XIRP2: variants seen among roughly 807,000 people sequenced by gnomAD.
The protein encoded by XIRP2 is xin actin-binding repeat-containing protein 2.
In XIRP2, 236 loss-of-function variants were observed where a neutral mutation model predicts 277.0. The observed-to-expected ratio is 0.85, with a 90% CI of 0.77 to 0.95. The LOEUF (loss-of-function observed/expected upper bound fraction) is 0.95. Ranked by LOEUF, XIRP2 falls within the 40% of genes least tolerant of loss-of-function variation. The pLI is 0.00. For synonymous variants in XIRP2, 1,490 were observed against 1,416.5 expected (o/e 1.05, Z -1.17); for missense variants, 4,640 against 4,157.5 (o/e 1.12, Z -3.19).
In XIRP2 at chr2:167,177,636, G is replaced by A. The variant is rs138647030; in HGVS notation, c.563-33099G>A. On this transcript the variant is annotated intron_variant, in intron 3 of 10. Coordinates refer to ENST00000409195, the MANE Select transcript of XIRP2 (RefSeq NM_152381.6). The stretch of plus-strand genomic sequence containing the variant: ...AAAGTCAGTTAAATATTCATGTGTT[G>A]CTTTGCCTCACTCCAAATTAATATA... 7.7e-4 allele frequency among the ~76,000 whole-genome samples: 117 copies of A among 152,150 alleles called. 3 individuals carry two copies. In the East Asian group the frequency reaches 0.02, roughly 26 times the overall value.
chr2:166,999,364 G>A (rs1394828030), intron 2 of XIRP2, among the ~76,000 whole-genome samples: 1 of 151,724 alleles, frequency 6.6e-6, no homozygotes, highest in Non-Finnish European at 1.5e-5. Context: ...GCTTGAATAT[G>A]TATTACTTTT....
intron 2 of XIRP2, among the ~76,000 whole-genome samples, chr2:167,014,286 A>G (rs1414086773): frequency 1.3e-5 from 2 of 151,734 alleles, no homozygotes; most frequent in East Asian, 3.9e-4. Flanking sequence ...TCCAGAATAA[A>G]CAAACAGAAA....
At chr2:167,200,122 A>C (rs1693637209) in intron 3 of XIRP2, among the ~76,000 whole-genome samples, 1 of 152,230 alleles carries the variant, frequency 6.6e-6, no homozygotes, top group South Asian at 2.1e-4. Context: ...CAAACATAAC[A>C]ATATATTTAG....
chr2:167,019,338 G>A (rs1687920481), intron 2 of XIRP2, among the ~76,000 whole-genome samples: 1 of 151,924 alleles, frequency 6.6e-6, no homozygotes, highest in African/African-American at 2.4e-5. Context: ...ACAAAGAATA[G>A]CGACCCCAAT....
intron 2 of XIRP2, among the ~76,000 whole-genome samples, chr2:167,033,209 A>G (rs1688415160): frequency 6.6e-6 from 1 of 152,138 alleles, no homozygotes; most frequent in Non-Finnish European, 1.5e-5. Flanking sequence ...CAAACACTGC[A>G]TATTCTCACT....
intron 2 of XIRP2, among the ~76,000 whole-genome samples, chr2:166,910,606 A>C (rs570986169): frequency 5.5e-4 from 84 of 151,852 alleles, no homozygotes; most frequent in African/African-American, 2.0e-3. Context: ...TTGTGTCTCT[A>C]TTTCCTTCAG....
chr2:166,938,973 A>T (rs1039342518), intron 2 of XIRP2, among the ~76,000 whole-genome samples: 2 of 151,882 alleles, frequency 1.3e-5, no homozygotes, highest in East Asian at 1.9e-4. Flanking sequence ...CTTTATTTTG[A>T]GCCTATTGTG....
intron 5 of XIRP2, among the ~76,000 whole-genome samples, chr2:167,226,625 G>A (rs1694610441): frequency 2.0e-5 from 3 of 151,938 alleles, no homozygotes. Context: ...TTTTTCCCTT[G>A]CCCTCATAAA....
intron 2 of XIRP2, among the ~76,000 whole-genome samples, chr2:167,042,082 G>T (rs1280742702): frequency 1.3e-5 from 2 of 152,108 alleles, no homozygotes; most frequent in Non-Finnish European, 2.9e-5. Context: ...TTCATATCCA[G>T]CCAAACTAAG....
intron 2 of XIRP2, among the ~76,000 whole-genome samples, chr2:167,017,047 G>T (rs1687846001): frequency 6.6e-6 from 1 of 151,872 alleles, no homozygotes; most frequent in Non-Finnish European, 1.5e-5. Context: ...ATCTGAGCAT[G>T]CACTCTCACA....
chr2:166,913,415 G>T (rs1394550612), intron 2 of XIRP2, among the ~76,000 whole-genome samples: 1 of 152,142 alleles, frequency 6.6e-6, no homozygotes, highest in Non-Finnish European at 1.5e-5. Context: ...CCAGGCATGG[G>T]ATATAATCTC....
At chr2:167,197,908 G>A (rs984566060) in intron 3 of XIRP2, among the ~76,000 whole-genome samples, 6 of 151,924 alleles carry the variant, frequency 3.9e-5, no homozygotes, top group South Asian at 2.1e-4. Flanking sequence ...TAATGTGCAC[G>A]GGAAAAATCA....
At chr2:167,155,838 C>T (rs1482105943) in intron 3 of XIRP2, among the ~76,000 whole-genome samples, 2 of 151,590 alleles carry the variant, frequency 1.3e-5, no homozygotes, top group African/African-American at 4.9e-5. Context: ...GATTGTATAT[C>T]TAGAAAACCC....
intron 2 of XIRP2, among the ~76,000 whole-genome samples, chr2:166,936,010 C>T (rs1163981323): frequency 3.3e-5 from 5 of 152,232 alleles, no homozygotes; most frequent in East Asian, 1.9e-4. Flanking sequence ...ATGGTTGAAC[C>T]AGTTTGCAGT....
intron 2 of XIRP2, among the ~76,000 whole-genome samples, chr2:167,098,030 G>T (rs1203701541): frequency 1.3e-5 from 2 of 151,972 alleles, no homozygotes; most frequent in African/African-American, 2.4e-5. Context: ...TGTGTCTTGG[G>T]GTTGCTCTTC....
At chr2:167,001,138 G>A (rs2105455569) in intron 2 of XIRP2, among the ~76,000 whole-genome samples, 1 of 152,154 alleles carries the variant, frequency 6.6e-6, no homozygotes. Context: ...AAATATATTA[G>A]TGGGGTGGAT....
chr2:166,903,882 G>A lies in XIRP2; in HGVS notation c.400G>A (p.Gly134Ser), dbSNP rs765487144. The A allele has an allele frequency of 1.3e-5, 21 of 1,611,932 alleles. No homozygotes were observed. The South Asian group carries it at 1.3e-4, about 10-fold the overall frequency. Residue 134 changes from glycine to serine, a missense_variant, in exon 2 of 11, where the codon GGT (glycine) becomes AGT (serine). Coordinates refer to ENST00000409195, the MANE Select transcript of XIRP2 (RefSeq NM_152381.6). ...PKSGNKPAEY[G>S]GKEVEIERSL... is the part of the protein sequence containing the mutation. Reference sequence around the variant, plus strand: ...GAGTGGAAACAAACCAGCTGAGTACGGTGGAAAGGTAAGGAGCCATTGATT... The same window carrying A: ...GAGTGGAAACAAACCAGCTGAGTACAGTGGAAAGGTAAGGAGCCATTGATT...
intron 5 of XIRP2, among the ~76,000 whole-genome samples, chr2:167,236,178 CT>C (rs1202922759): frequency 6.6e-6 from 1 of 151,856 alleles, no homozygotes; most frequent in Non-Finnish European, 1.5e-5. Context: ...TTCTGCCAGT[CT>C]TTCCCCATAG....
chr2:167,224,236 C>T (rs533886588), intron 5 of XIRP2, among the ~76,000 whole-genome samples: 42 of 151,904 alleles, frequency 2.8e-4, no homozygotes, highest in African/African-American at 1.0e-3. Context: ...AAGGCAAATA[C>T]ATTTTTTGAT....
Sources: gnomAD v4.1 joint callset for allele counts (sites outside exome capture counted in the v4.1 genomes callset) on GRCh38, gnomAD v4.1.1 for gene constraint, MANE v1.5 for transcripts, NCBI Gene and HGNC (gene_info 2026-07-23, HGNC 2026-07-21) for gene names.